MAML3: variants seen among roughly 807,000 people sequenced by gnomAD.
MAML3 encodes mastermind like transcriptional coactivator 3, also known as mastermind-like protein 3.
MAML3 carries 27 observed loss-of-function variants against 101.9 expected under a neutral mutation model. The observed-to-expected ratio is 0.27, with a 90% CI of 0.20 to 0.37. The LOEUF (loss-of-function observed/expected upper bound fraction) is 0.37, where lower values mean the gene tolerates loss of function less well. Ranked by LOEUF, MAML3 falls within the 10% of genes least tolerant of loss-of-function variation. MAML3 has a pLI of 1.00. For synonymous variants in MAML3, 501 were observed against 555.9 expected, an observed-to-expected ratio of 0.90 and a Z score of 1.39; for missense variants, 1,316 against 1,444.9, an observed-to-expected ratio of 0.91 and a Z score of 1.45.
intron 2 of MAML3, among the ~76,000 whole-genome samples, chr4:139,753,386 A>G (rs1189921868): frequency 6.7e-6 from 1 of 148,650 alleles, no homozygotes; most frequent in Non-Finnish European, 1.5e-5. Flanking sequence ...CTATCTATCT[A>G]TTTTTTGTTA....
chr4:139,829,905 G>A (rs146401195), intron 2 of MAML3, among the ~76,000 whole-genome samples: 198 of 152,344 alleles, frequency 1.3e-3, no homozygotes, highest in Middle Eastern at 3.4e-3. Flanking sequence ...ATGTCAGAAA[G>A]AGGATAGCCT....
intron 2 of MAML3, among the ~76,000 whole-genome samples, chr4:139,827,801 G>A (rs1177247605): frequency 6.6e-6 from 1 of 152,198 alleles, no homozygotes; most frequent in Non-Finnish European, 1.5e-5. Context: ...AAGAATTGAT[G>A]AGGATGATGA....
intron 1 of MAML3, among the ~76,000 whole-genome samples, chr4:139,902,664 T>C (rs736352): frequency 0.83 from 126,124 of 152,106 alleles, 53,089 homozygotes; most frequent in South Asian, 0.91. Flanking sequence ...AGCAGAGCTC[T>C]GGAGCCTGGC....
intron 1 of MAML3, among the ~76,000 whole-genome samples, chr4:139,921,965 T>A (rs1308951634): frequency 6.6e-6 from 1 of 152,194 alleles, no homozygotes; most frequent in Admixed American, 6.5e-5. Context: ...GTGTGCCTTC[T>A]AAGCTCTAGG....
intron 1 of MAML3, among the ~76,000 whole-genome samples, chr4:139,980,250 CAGACAATAA>C (rs1473295779): frequency 6.6e-6 from 1 of 152,144 alleles, no homozygotes; most frequent in Non-Finnish European, 1.5e-5. Context: ...TCAATACCCA[CAGACAATAA>C]AGACTGGGTC....
chr4:139,917,976 T>C (rs995680887), intron 1 of MAML3, among the ~76,000 whole-genome samples: 2 of 152,184 alleles, frequency 1.3e-5, no homozygotes, highest in African/African-American at 2.4e-5. Context: ...AATCAGACTT[T>C]CTCTTTAAGT....
At position 140,076,575 on chromosome 4, in the gene MAML3, C is replaced by T. The variant is rs999621705; in HGVS notation, c.468+76285G>A. 2.6e-5 allele frequency among the ~76,000 whole-genome samples: 4 copies of T among 152,238 alleles called. No homozygotes were observed. The East Asian group carries it at 7.7e-4, about 29-fold the overall frequency. On this transcript the variant is annotated intron_variant, in intron 1 of 4. Coordinates refer to ENST00000509479, the MANE Select transcript of MAML3 (RefSeq NM_018717.5). ...AGTCCTGCTTCACCTATGCCTACTT[C>T]TCTTGCTGCCATTTGGTTTGCCTGA...
At chr4:139,930,400 C>T (rs17005243) in intron 1 of MAML3, among the ~76,000 whole-genome samples, 3,637 of 152,220 alleles carry the variant, frequency 0.024, 127 homozygotes, top group African/African-American at 0.081. Flanking sequence ...GACAGGCTGA[C>T]AGTGCAAAGA....
intron 1 of MAML3, among the ~76,000 whole-genome samples, chr4:139,955,945 A>C (rs143730558): frequency 2.0e-5 from 3 of 152,314 alleles, no homozygotes; most frequent in Middle Eastern, 3.4e-3. Context: ...TACGAACGTG[A>C]ATTGGAAATA....
intron 1 of MAML3, among the ~76,000 whole-genome samples, chr4:139,930,803 G>C (rs529816383): frequency 5.3e-5 from 8 of 152,054 alleles, no homozygotes; most frequent in African/African-American, 1.7e-4. Flanking sequence ...TTTCATGTTA[G>C]TATGTTGGTT....
At chr4:139,862,114 C>T (rs1426349253) in intron 2 of MAML3, among the ~76,000 whole-genome samples, 1 of 152,168 alleles carries the variant, frequency 6.6e-6, no homozygotes, top group Non-Finnish European at 1.5e-5. Context: ...GATGCTGAGA[C>T]AGGGGAATTG....
intron 2 of MAML3, among the ~76,000 whole-genome samples, chr4:139,757,682 G>A (rs1435582183): frequency 6.6e-6 from 1 of 150,764 alleles, no homozygotes; most frequent in Non-Finnish European, 1.5e-5. Flanking sequence ...TTCCTTATCA[G>A]GGCACACTTC....
chr4:140,055,603 T>G (rs1002198679), intron 1 of MAML3, among the ~76,000 whole-genome samples: 1 of 152,210 alleles, frequency 6.6e-6, no homozygotes, highest in Non-Finnish European at 1.5e-5. Context: ...AAAAGGAGCT[T>G]AGAAACAGAT....
intron 1 of MAML3, among the ~76,000 whole-genome samples, chr4:139,927,740 A>AC (rs1560838598): frequency 6.6e-6 from 1 of 152,002 alleles, no homozygotes; most frequent in Non-Finnish European, 1.5e-5. Flanking sequence ...GTCTTTGGCC[A>AC]TGGGAACACA....
At chr4:139,868,902 C>T (rs1235651471) in intron 2 of MAML3, among the ~76,000 whole-genome samples, 4 of 152,200 alleles carry the variant, frequency 2.6e-5, no homozygotes, top group Non-Finnish European at 5.9e-5. Context: ...ACAGTAAAAG[C>T]TCACAGGAAA....
At chr4:140,048,112 T>A (rs1225388878) in intron 1 of MAML3, among the ~76,000 whole-genome samples, 1 of 151,604 alleles carries the variant, frequency 6.6e-6, no homozygotes, top group Non-Finnish European at 1.5e-5. Context: ...GCAGGTGGAG[T>A]GGGAGACTAA....
intron 1 of MAML3, chr4:140,133,133 C>T (rs1457029165): frequency 2.3e-6 from 1 of 434,180 alleles, no homozygotes; most frequent in African/African-American, 2.0e-5. Flanking sequence ...TATTTATTTA[C>T]AGTGTTTGAC....
At chr4:139,967,052 AT>A (rs1352348112) in intron 1 of MAML3, among the ~76,000 whole-genome samples, 6 of 152,232 alleles carry the variant, frequency 3.9e-5, no homozygotes, top group African/African-American at 1.4e-4. Flanking sequence ...TTGTGAAGAA[AT>A]TTAATTATAC....
At chr4:140,069,418 AG>A (rs1560883622) in intron 1 of MAML3, among the ~76,000 whole-genome samples, 2 of 34,032 alleles carry the variant, frequency 5.9e-5, no homozygotes, top group African/African-American at 9.9e-5. Context: ...GAGGAGGAGG[AG>A]GGGAAGGAGG....
Sources: allele counts gnomAD v4.1 joint callset (sites outside exome capture counted in the v4.1 genomes callset), GRCh38; gene constraint gnomAD v4.1.1; transcripts MANE v1.5; gene names NCBI Gene and HGNC (gene_info 2026-07-23, HGNC 2026-07-21).